Variants in EPHB1 observed in about 807,000 individuals in gnomAD.
The protein encoded by EPHB1 is ephrin type-B receptor 1.
Under a neutral mutation model 94.4 loss-of-function variants are expected in EPHB1, and 30 were observed. The observed-to-expected ratio is 0.32, with a 90% CI of 0.24 to 0.43. The LOEUF (loss-of-function observed/expected upper bound fraction) is 0.43. EPHB1 is among the 20% of genes least tolerant of loss of function. EPHB1 has a pLI of 1.00. For synonymous variants in EPHB1, 522 were observed against 489.1 expected (o/e 1.07, Z -0.89); for missense variants, 1,055 against 1,308.3 (o/e 0.81, Z 2.99).
At chr3:135,217,135 G>A (rs999257865) in intron 12 of EPHB1, among the ~76,000 whole-genome samples, 2 of 152,126 alleles carry the variant, frequency 1.3e-5, no homozygotes, top group African/African-American at 4.8e-5. Context: ...GACCTGCACA[G>A]GAGATGTGGG....
intron 5 of EPHB1, among the ~76,000 whole-genome samples, chr3:135,135,145 A>G (rs576481606): frequency 2.0e-5 from 3 of 152,174 alleles, no homozygotes; most frequent in East Asian, 3.9e-4. Context: ...AGCCTCCATT[A>G]TCACCTTCCA....
chr3:135,102,837 G>T (rs1939080674), intron 3 of EPHB1, among the ~76,000 whole-genome samples: 1 of 152,216 alleles, frequency 6.6e-6, no homozygotes, highest in Admixed American at 6.5e-5. Flanking sequence ...GGACATGGAT[G>T]AAGCTGGAAA....
intron 15 of EPHB1, 52 bp from the exon 16 acceptor site, chr3:135,258,960 G>T: frequency 7.0e-7 from 1 of 1,422,446 alleles, no homozygotes; most frequent in South Asian, 1.2e-5. Flanking sequence ...TTTGATCTGC[G>T]AAAAGCTAAC....
chr3:135,087,799 C>T (rs1938412764), intron 3 of EPHB1, among the ~76,000 whole-genome samples: 1 of 152,190 alleles, frequency 6.6e-6, no homozygotes, highest in Non-Finnish European at 1.5e-5. Context: ...ACTGCCTGCC[C>T]TGCTGCTGAG....
rs564529631 is a variant in EPHB1 at position 134,859,363 on chromosome 3, C to T, written c.58+63674C>T. Among the ~76,000 whole-genome samples the T allele has an allele frequency of 3.3e-5, 5 of 152,298 alleles. 1 individual carries two copies. Among genetic ancestry groups the T allele is most frequent in the African/African-American group, 1.2e-4 (5 of 41,562 alleles). On this transcript the variant is annotated intron_variant, in intron 1 of 15. Transcript: ENST00000398015. ...TCACCTTGGGCAGCAGCCCTCACCC[C>T]CACAGCCATCCTGCTGGATGTTAAC...
chr3:135,197,036 T>C (rs1418256387), intron 11 of EPHB1, among the ~76,000 whole-genome samples: 1 of 149,630 alleles, frequency 6.7e-6, no homozygotes, highest in Non-Finnish European at 1.5e-5. Context: ...GGCTGGAGGA[T>C]AGCTTGAGCC....
chr3:135,004,098 G>T, intron 3 of EPHB1, among the ~76,000 whole-genome samples: 1 of 151,864 alleles, frequency 6.6e-6, no homozygotes, highest in Non-Finnish European at 1.5e-5. Flanking sequence ...AGCTGGTACT[G>T]GTTGTTCCTT....
intron 1 of EPHB1, among the ~76,000 whole-genome samples, chr3:134,885,052 G>T (rs553893340): frequency 2.0e-5 from 3 of 152,222 alleles, no homozygotes; most frequent in Non-Finnish European, 2.9e-5. Context: ...ATGGTGCAAA[G>T]AATTTCTTCT....
chr3:135,239,596 G>A (rs1414122388), intron 12 of EPHB1, among the ~76,000 whole-genome samples: 2 of 152,158 alleles, frequency 1.3e-5, no homozygotes, highest in Non-Finnish European at 2.9e-5. Context: ...GAAAAGGGGG[G>A]TCATATTTGC....
intron 12 of EPHB1, among the ~76,000 whole-genome samples, chr3:135,228,297 GTCCC>G (rs998475676): frequency 1.3e-5 from 2 of 152,002 alleles, no homozygotes; most frequent in African/African-American, 4.8e-5. Context: ...TTTGTCTGAT[GTCCC>G]TTCATGCTTA....
chr3:135,256,951 CTTCATTTCA>C, intron 15 of EPHB1, among the ~76,000 whole-genome samples: 2 of 144,084 alleles, frequency 1.4e-5, no homozygotes, highest in African/African-American at 5.4e-5. Flanking sequence ...TCCCTTCTCG[CTTCATTTCA>C]TTCATTTCAT....
intron 3 of EPHB1, among the ~76,000 whole-genome samples, chr3:135,050,285 A>G (rs1937132575): frequency 1.3e-5 from 2 of 152,208 alleles, no homozygotes; most frequent in Admixed American, 6.5e-5. Context: ...TGAAAATGTA[A>G]TGACCACCTA....
intron 3 of EPHB1, among the ~76,000 whole-genome samples, chr3:134,972,775 G>A (rs555770161): frequency 1.9e-4 from 29 of 152,240 alleles, no homozygotes; most frequent in Admixed American, 1.9e-3. Flanking sequence ...GACACAATTT[G>A]AAGTTGTGGA....
intron 2 of EPHB1, among the ~76,000 whole-genome samples, chr3:134,932,067 T>G (rs1341327690): frequency 6.6e-6 from 1 of 151,822 alleles, no homozygotes; most frequent in East Asian, 1.9e-4. Context: ...GAAGTTAAAT[T>G]AGCTGATCTC....
intron 3 of EPHB1, among the ~76,000 whole-genome samples, chr3:135,011,267 T>G (rs1342320031): frequency 6.6e-6 from 1 of 152,198 alleles, no homozygotes; most frequent in Non-Finnish European, 1.5e-5. Flanking sequence ...CATTTTTACT[T>G]CTTTTAGGTC....
intron 3 of EPHB1, among the ~76,000 whole-genome samples, chr3:134,970,317 T>TTC (rs1490051224): frequency 3.3e-5 from 5 of 152,226 alleles, no homozygotes; most frequent in Non-Finnish European, 1.5e-5. Flanking sequence ...TATCATCATT[T>TTC]TGCCTGTGAT....
chr3:135,041,946 A>G (rs933481295), intron 3 of EPHB1, among the ~76,000 whole-genome samples: 2 of 151,848 alleles, frequency 1.3e-5, no homozygotes, highest in African/African-American at 4.8e-5. Flanking sequence ...TCATTTATTT[A>G]TTTTCTGAGA....
At position 134,976,178 on chromosome 3, in the gene EPHB1, C is replaced by T. The variant is rs36122; in HGVS notation, c.805+24126C>T. ...TTCTGCAGCCATTAACTGGGACTGC[C>T]GTTCCCCTACATGAATTCAGAGATC... On this transcript the variant is annotated intron_variant, in intron 3 of 15. Transcript: ENST00000398015. Among the ~76,000 whole-genome samples the T allele has an allele frequency of 4.3e-3, 661 of 152,296 alleles. 4 individuals are homozygous for T. The highest frequency in any genetic ancestry group is 0.015 in the African/African-American group (625 of 41,558).
intron 11 of EPHB1, among the ~76,000 whole-genome samples, chr3:135,197,995 C>T (rs1441069900): frequency 2.0e-5 from 3 of 152,176 alleles, no homozygotes; most frequent in African/African-American, 7.2e-5. Flanking sequence ...CATGACCCTA[C>T]ATATCTTGAT....
Sources: gnomAD v4.1 joint callset for allele counts (sites outside exome capture counted in the v4.1 genomes callset) on GRCh38, gnomAD v4.1.1 for gene constraint, MANE v1.5 for transcripts, NCBI Gene and HGNC (gene_info 2026-07-23, HGNC 2026-07-21) for gene names.